SNX9: variants seen among roughly 807,000 people sequenced by gnomAD.
SNX9 encodes sorting nexin 9, also known as sorting nexin-9.
Under a neutral mutation model 89.4 loss-of-function variants are expected in SNX9, and 44 were observed. The observed-to-expected ratio is 0.49, with a 90% confidence interval of 0.39 to 0.63. The LOEUF is 0.63. Among genes scored for constraint, SNX9 ranks in the 30% least tolerant of loss-of-function variants. The pLI is 0.00. For synonymous variants in SNX9, 236 were observed against 247.8 expected (o/e 0.95, Z 0.45); for missense variants, 578 against 736.1 (o/e 0.79, Z 2.49).
chr6:157,835,274 A>C (rs1006396046), intron 1 of SNX9, among the ~76,000 whole-genome samples: 1 of 152,122 alleles, frequency 6.6e-6, no homozygotes, highest in Non-Finnish European at 1.5e-5. Context: ...CGGCCCCTCA[A>C]AGTGCTGGGA....
chr6:157,823,310 G>T lies in SNX9; in HGVS notation c.-125G>T. Reference sequence around the variant, plus strand: ...AGACTCGGGGCCGAGGCGGAGGAGCGGCCGCCGCGCCGGGGCCCAGCCGGA... The same window carrying T: ...AGACTCGGGGCCGAGGCGGAGGAGCTGCCGCCGCGCCGGGGCCCAGCCGGA... On this transcript the variant is annotated 5_prime_UTR_variant, in exon 1 of 18. Transcript: ENST00000392185. The surrounding 1 kb of genome is among the most constrained non-coding windows in gnomAD (Gnocchi z 4.6). 1 of 837,608 alleles carries T rather than the reference G, an allele frequency of 1.2e-6. No homozygotes were observed. The highest frequency in any genetic ancestry group is 1.5e-6 in the Non-Finnish European group (1 of 654,046). 51.9% of individuals were successfully genotyped at this position (837,608 alleles called of 1,614,324 possible). A position where few individuals can be genotyped will look rare whatever the true frequency, so the allele number is the denominator to read the frequency against.
At chr6:157,942,687 G>T in intron 17 of SNX9, 104 bp from the exon 18 acceptor site, 1 of 1,243,998 alleles carries the variant, frequency 8.0e-7, no homozygotes, top group Non-Finnish European at 1.2e-6. Flanking sequence ...TTAAAGAATT[G>T]GAATTTGTGT....
At chr6:157,871,008 A>G (rs531478123) in intron 2 of SNX9, among the ~76,000 whole-genome samples, 26 of 152,358 alleles carry the variant, frequency 1.7e-4, no homozygotes, top group African/African-American at 4.8e-4. Context: ...GAGGAGGGAG[A>G]ATGAGGAACG....
At chr6:157,914,897 A>C (rs1783430396) in intron 9 of SNX9, among the ~76,000 whole-genome samples, 1 of 152,152 alleles carries the variant, frequency 6.6e-6, no homozygotes, top group Non-Finnish European at 1.5e-5. Context: ...AGCAGTTCAC[A>C]ACATTTTCTT....
chr6:157,935,548 A>G (rs546552564), intron 13 of SNX9, among the ~76,000 whole-genome samples: 2 of 152,272 alleles, frequency 1.3e-5, no homozygotes, highest in African/African-American at 2.4e-5. Flanking sequence ...GCCGAGGGAG[A>G]AGAATCCACA....
intron 1 of SNX9, among the ~76,000 whole-genome samples, chr6:157,844,587 G>GTTTTTTTGTTTTTT (rs1554291784): frequency 0.011 from 1,369 of 130,028 alleles, 26 homozygotes; most frequent in African/African-American, 0.013. Context: ...GCTAATCCTT[G>GTTTTTTTGTTTTTT]TTTTTTTTTT....
Position 157,928,596 on chromosome 6 carries a change from C to G in SNX9, c.1185-3C>G. The G allele has an allele frequency of 1.2e-6, 2 of 1,603,430 alleles. No homozygotes were observed. The highest frequency in any genetic ancestry group is 1.7e-6 in the Non-Finnish European group (2 of 1,175,386). Reference sequence around the variant, plus strand: ...TGTGACTGACGGCCGCCTTCACCCACAGAGAGCAGAAGTGCGAGGCTGTGG... The same window carrying G: ...TGTGACTGACGGCCGCCTTCACCCAGAGAGAGCAGAAGTGCGAGGCTGTGG... On this transcript the variant is annotated splice_polypyrimidine_tract_variant and splice_region_variant and intron_variant, in intron 11 of 17. Coordinates refer to ENST00000392185, the MANE Select transcript of SNX9 (RefSeq NM_016224.5).
intron 7 of SNX9, 135 bp downstream of exon 7, chr6:157,906,347 A>T (rs887293404): frequency 7.8e-6 from 5 of 643,996 alleles, no homozygotes; most frequent in Non-Finnish European, 1.3e-5. Flanking sequence ...CTGATAATAT[A>T]TGTTAGTGTT....
intron 10 of SNX9, among the ~76,000 whole-genome samples, chr6:157,923,940 T>C (rs1783635527): frequency 6.6e-6 from 1 of 152,226 alleles, no homozygotes; most frequent in African/African-American, 2.4e-5. Flanking sequence ...GATATTGTTA[T>C]GTTTTTAAAA....
intron 7 of SNX9, 143 bp from the exon 8 acceptor site, chr6:157,909,522 C>G: frequency 3.2e-6 from 3 of 951,650 alleles, no homozygotes; most frequent in Non-Finnish European, 4.7e-6. Flanking sequence ...ACCATTGAAC[C>G]ATTTATGTAC....
At position 157,875,096 on chromosome 6, in the gene SNX9, G is replaced by T; in HGVS notation, c.220G>T (p.Val74Leu). 1.2e-6 allele frequency: 2 copies of T among 1,614,016 alleles called. No individual in the cohort carries two copies. The highest frequency in any genetic ancestry group is 1.7e-6 in the Non-Finnish European group (2 of 1,179,986). ...AGATCAATTTTCTTGTGGAAATTCAGTGGCTGACCAAGCCTTCCTTGATTC... is the reference window on the plus strand; with the variant it reads ...AGATCAATTTTCTTGTGGAAATTCATTGGCTGACCAAGCCTTCCTTGATTC... ...GKDQFSCGNS[V>L]ADQAFLDSLS... The change falls in exon 4 of 18, where the codon GTG (valine) becomes TTG (leucine). Residue 74 changes from valine to leucine, a missense_variant. Physicochemically the swap from Val to Leu is conservative, Grantham distance 32 (BLOSUM62 1). This residue lies in a region of SNX9 where 230 missense variants were observed against 244.7 expected (regional missense o/e 0.94). Transcript: ENST00000392185.
At chr6:157,915,172 G>A (rs1294901091) in intron 9 of SNX9, among the ~76,000 whole-genome samples, 1 of 152,128 alleles carries the variant, frequency 6.6e-6, no homozygotes, top group Non-Finnish European at 1.5e-5. Context: ...CTTTTCGCTA[G>A]TCCTACACTG....
chr6:157,894,885 C>G (rs1329666758), intron 4 of SNX9, among the ~76,000 whole-genome samples: 1 of 152,124 alleles, frequency 6.6e-6, no homozygotes, highest in Non-Finnish European at 1.5e-5. Context: ...AAAGAACCAC[C>G]AGGATGGCTG....
At chr6:157,904,658 C>T (rs973482976) in intron 6 of SNX9, among the ~76,000 whole-genome samples, 3 of 151,872 alleles carry the variant, frequency 2.0e-5, no homozygotes, top group African/African-American at 7.3e-5. Flanking sequence ...TACAGTGAGC[C>T]GAGATCGCGC....
intron 16 of SNX9, 67 bp downstream of exon 16, chr6:157,938,814 A>G: frequency 8.4e-7 from 1 of 1,191,686 alleles, no homozygotes; most frequent in African/African-American, 1.5e-5. Context: ...GTTTCCCTTG[A>G]TAGAGAGAAA....
intron 6 of SNX9, among the ~76,000 whole-genome samples, chr6:157,902,718 A>G (rs1303771175): frequency 6.6e-6 from 1 of 152,154 alleles, no homozygotes; most frequent in East Asian, 1.9e-4. Context: ...CCCAGGCTGA[A>G]GTGCAGTGGT....
chr6:157,875,035 T>A lies in SNX9; in HGVS notation c.175-16T>A, dbSNP rs370892165. 4.3e-6 allele frequency: 7 copies of A among 1,612,906 alleles called. No individual in the cohort carries two copies. The African/African-American group carries it at 8.0e-5, about 18-fold the overall frequency. ...CGTAATCTATGAAAATAATTGCGGC[T>A]CTTTCTCCTATTCAGATTTTACCCA... On this transcript the variant is annotated splice_polypyrimidine_tract_variant and intron_variant, in intron 3 of 17. Coordinates refer to ENST00000392185, the MANE Select transcript of SNX9 (RefSeq NM_016224.5).
At chr6:157,888,213 G>A (rs754692839) in intron 4 of SNX9, among the ~76,000 whole-genome samples, 1 of 152,114 alleles carries the variant, frequency 6.6e-6, no homozygotes, top group Non-Finnish European at 1.5e-5. Flanking sequence ...GAAAGCAAAA[G>A]GTTCAGAATA....
chr6:157,938,481 T>G, intron 15 of SNX9, 152 bp from the exon 16 acceptor site: 1 of 537,814 alleles, frequency 1.9e-6, no homozygotes, highest in Non-Finnish European at 3.2e-6. Context: ...TTGAAGGAAG[T>G]TAAATTTAGA....
Sources: gnomAD v4.1 joint callset for allele counts (sites outside exome capture counted in the v4.1 genomes callset) on GRCh38, gnomAD v4.1.1 for gene constraint, gnomAD v4.1.1 regional missense constraint, Gnocchi (gnomAD v3.1) non-coding constraint, MANE v1.5 for transcripts, NCBI Gene and HGNC (gene_info 2026-07-23, HGNC 2026-07-21) for gene names.